Variants in STIM1 observed in about 807,000 individuals in gnomAD.
STIM1 encodes the protein stromal interaction molecule 1.
Under a neutral mutation model 74.7 loss-of-function variants are expected in STIM1, and 25 were observed. The ratio of observed to expected loss-of-function variants is 0.33; its 90% CI spans 0.24 to 0.47. STIM1 has a LOEUF of 0.47. STIM1 is among the 20% of genes least tolerant of loss of function. STIM1 has a pLI of 1.00. For missense variants in STIM1, 728 were observed against 920.8 expected (o/e 0.79, Z 2.71); for synonymous variants, 328 against 348.8 (o/e 0.94, Z 0.66).
intron 1 of STIM1, among the ~76,000 whole-genome samples, chr11:3,861,499 G>GC (rs1282062567): frequency 6.6e-6 from 1 of 152,064 alleles, no homozygotes; most frequent in Admixed American, 6.5e-5. Context: ...CTCCCAAAGT[G>GC]TGGGATTACA....
chr11:3,934,001 G>C (rs2092903703), intron 1 of STIM1, among the ~76,000 whole-genome samples: 2 of 152,138 alleles, frequency 1.3e-5, no homozygotes, highest in African/African-American at 4.8e-5. Context: ...CTTTTCCAGG[G>C]ACCTAAGATT....
chr11:4,008,008 T>C (rs2093799911), intron 2 of STIM1, among the ~76,000 whole-genome samples: 1 of 152,108 alleles, frequency 6.6e-6, no homozygotes, highest in Non-Finnish European at 1.5e-5. Context: ...GTATAACATA[T>C]ATATATTCAT....
chr11:3,989,468 C>T lies in STIM1; in HGVS notation c.270+21786C>T. On this transcript the variant is annotated intron_variant, in intron 2 of 12. Transcript: ENST00000526596. The stretch of plus-strand genomic sequence containing the variant: ...CTGACCTTGCTCTTAGGCATCCTGG[C>T]GGCGTGGAGGGTGCGTGCGGGATGT... The T allele has an allele frequency of 5.9e-6, 4 of 680,808 alleles. No individual in the cohort carries two copies. The East Asian group carries it at 8.6e-5, about 15-fold the overall frequency. 42.2% of individuals were successfully genotyped at this position (680,808 alleles called of 1,614,324 possible).
intron 1 of STIM1, among the ~76,000 whole-genome samples, chr11:3,864,565 A>C (rs1208431913): frequency 6.6e-6 from 1 of 152,212 alleles, no homozygotes; most frequent in Non-Finnish European, 1.5e-5. Context: ...GGTCCAAGAG[A>C]GCGCAAGAGA....
chr11:3,955,099 T>C lies in STIM1; in HGVS notation c.140-12453T>C, dbSNP rs149169948. On this transcript the variant is annotated intron_variant, in intron 1 of 12. Transcript: ENST00000526596. ...CAACATGGTTGAATCTCAAATCTTG[T>C]TGAGTAACAGAAGCTAGGCACAAAA... Among the ~76,000 whole-genome samples, 576 of 152,310 alleles carry C rather than the reference T, an allele frequency of 3.8e-3. 4 individuals are homozygous for C. Among genetic ancestry groups the C allele is most frequent in the African/African-American group, 0.013 (541 of 41,562 alleles).
chr11:4,083,019 TATC>T (rs2094473427), intron 9 of STIM1, 37 bp downstream of exon 9: 2 of 1,571,484 alleles, frequency 1.3e-6, no homozygotes, highest in South Asian at 2.2e-5. Context: ...GCAATGTCCA[TATC>T]ATCCTCAGAA....
intron 1 of STIM1, among the ~76,000 whole-genome samples, chr11:3,935,364 C>T (rs2092920184): frequency 6.6e-6 from 1 of 152,216 alleles, no homozygotes; most frequent in Non-Finnish European, 1.5e-5. Flanking sequence ...AAGGTGCTCT[C>T]TTCATTATAC....
intron 5 of STIM1, among the ~76,000 whole-genome samples, chr11:4,060,127 G>A (rs1310823629): frequency 6.6e-6 from 1 of 152,192 alleles, no homozygotes; most frequent in Non-Finnish European, 1.5e-5. Context: ...TTCAGCCAGG[G>A]TCTAGTTGAG....
rs185891181 is a variant in STIM1, at chr11:3,993,481, A to T, written c.270+25799A>T. Among the ~76,000 whole-genome samples, 647 of 152,182 alleles carry T rather than the reference A, an allele frequency of 4.3e-3. 1 individual carries two copies. Among genetic ancestry groups the T allele is most frequent in the Non-Finnish European group, 6.2e-3 (420 of 68,008 alleles). ...AGACCAGCCTGGCCAACATAGTAAA[A>T]CCCTGTCTCTACTAAAAATACAAAA... On this transcript the variant is annotated intron_variant, in intron 2 of 12. Transcript: ENST00000526596.
intron 5 of STIM1, among the ~76,000 whole-genome samples, chr11:4,069,263 G>A (rs2094388279): frequency 6.6e-6 from 1 of 152,092 alleles, no homozygotes; most frequent in Admixed American, 6.6e-5. Context: ...GTCATTTCTT[G>A]TTTAACATTT....
chr11:4,062,891 A>T (rs1436635280), intron 5 of STIM1, among the ~76,000 whole-genome samples: 1 of 152,046 alleles, frequency 6.6e-6, no homozygotes, highest in Non-Finnish European at 1.5e-5. Flanking sequence ...TGGAAAAAAA[A>T]TGGTATATAC....
chr11:4,091,300 T>C lies in STIM1; in HGVS notation c.1653T>C (p.Asp551=), dbSNP rs1304754642. The C allele has an allele frequency of 1.2e-6, 2 of 1,614,086 alleles. No individual in the cohort carries two copies. Among genetic ancestry groups the C allele is most frequent in the East Asian group, 4.5e-5 (2 of 44,896 alleles). The change falls in exon 13 of 13, where the codon GAT becomes GAC. Residue 551 remains aspartate, a synonymous_variant. Coordinates refer to ENST00000526596, the MANE Select transcript of STIM1 (RefSeq NM_001382567.1). ...LGSQRDLTHS[D]SESSLHMSDR... Reference sequence around the variant, plus strand: ...CTTGCAGGGATTTGACCCATTCCGATTCGGAGTCCTCCCTCCACATGAGTG... The same window carrying C: ...CTTGCAGGGATTTGACCCATTCCGACTCGGAGTCCTCCCTCCACATGAGTG...
chr11:4,035,227 T>C (rs1274091822), intron 3 of STIM1, among the ~76,000 whole-genome samples: 1 of 151,800 alleles, frequency 6.6e-6, no homozygotes, highest in Non-Finnish European at 1.5e-5. Flanking sequence ...CTCCCTTAAC[T>C]ACTGCTTTAG....
chr11:3,985,940 A>G (rs1242636066), intron 2 of STIM1, among the ~76,000 whole-genome samples: 1 of 152,098 alleles, frequency 6.6e-6, no homozygotes, highest in African/African-American at 2.4e-5. Context: ...GTTTCCTTTC[A>G]TTTCCTTTCA....
In STIM1 at chr11:4,086,792, T is replaced by G. The variant is rs1164304693; in HGVS notation, c.1634+249T>G. 6.5e-7 allele frequency: 1 copy of G among 1,536,686 alleles called. No individual in the cohort carries two copies. The highest frequency in any genetic ancestry group is 8.7e-7 in the Non-Finnish European group (1 of 1,146,786). ...CACAGCACTTCCTATTTCCTCCAGA[T>G]GGAGCCCTACCCTGACACACCCCCT... On this transcript the variant is annotated intron_variant, in intron 12 of 12. Transcript: ENST00000526596.
rs55772228 is a variant in STIM1 at position 3,987,804 on chromosome 11, GACACACACACACACAC to G, written c.270+20146_270+20161del. Among the ~76,000 whole-genome samples the G allele has an allele frequency of 4.0e-3, 576 of 145,390 alleles. 2 individuals are homozygous for G. The highest frequency in any genetic ancestry group is 0.013 in the African/African-American group (535 of 39,690). ...CTTAATAGGATATTTTGTCCTTAAG[GACACACACACACACAC>G]ACACACACACACACACACACACAGT... On this transcript the variant is annotated intron_variant, in intron 2 of 12. Coordinates refer to ENST00000526596, the MANE Select transcript of STIM1 (RefSeq NM_001382567.1).
At position 4,004,231 on chromosome 11, in the gene STIM1, A is replaced by G. The variant is rs548891487; in HGVS notation, c.271-19642A>G. 4.6e-5 allele frequency among the ~76,000 whole-genome samples: 7 copies of G among 152,338 alleles called. No homozygotes were observed. In the East Asian group the frequency reaches 1.2e-3, roughly 25 times the overall value. On this transcript the variant is annotated intron_variant, in intron 2 of 12. Coordinates refer to ENST00000526596, the MANE Select transcript of STIM1 (RefSeq NM_001382567.1). ...CCAATGACTTTCTTCACAGAATTGGAAAAAACTAAAGTTCATATGGAACCA... is the reference window on the plus strand; with the variant it reads ...CCAATGACTTTCTTCACAGAATTGGGAAAAACTAAAGTTCATATGGAACCA...
At chr11:3,912,574 C>T (rs970004846) in intron 1 of STIM1, among the ~76,000 whole-genome samples, 7 of 152,024 alleles carry the variant, frequency 4.6e-5, no homozygotes, top group African/African-American at 1.7e-4. Flanking sequence ...CCATGTTGGC[C>T]AGGCTGTTCT....
rs1030619838 is a variant in STIM1, at chr11:3,855,863, G to A, written c.-408G>A. 2.3e-5 allele frequency: 5 copies of A among 217,102 alleles called. No individual in the cohort carries two copies. The South Asian group carries it at 2.8e-4, about 12-fold the overall frequency. 13.4% of individuals were successfully genotyped at this position (217,102 alleles called of 1,614,324 possible). A position where few individuals can be genotyped will look rare whatever the true frequency, so the allele number is the denominator to read the frequency against. On this transcript the variant is annotated 5_prime_UTR_variant, in exon 1 of 13. Transcript: ENST00000526596. ...GCTCGCCGCTCTTCGGCAGGGCGAG[G>A]TCAGGTGCCCCCTTCTCGCCTCTCT...
Sources: allele counts gnomAD v4.1 joint callset (sites outside exome capture counted in the v4.1 genomes callset), GRCh38; gene constraint gnomAD v4.1.1; transcripts MANE v1.5; gene names NCBI Gene and HGNC (gene_info 2026-07-23, HGNC 2026-07-21).